The following UGT2B7 variants were observed in gnomAD, a reference collection of about 807,000 sequenced individuals.
The protein encoded by UGT2B7 is UDP glucuronosyltransferase family 2 member B7, also known as UDP-glucuronosyltransferase 2B7.
UGT2B7 carries 51 observed loss-of-function variants against 51.9 expected under a neutral mutation model. The observed-to-expected ratio is 0.98, with a 90% confidence interval of 0.78 to 1.24. The LOEUF is 1.24. UGT2B7 is among the 50% of genes most tolerant of loss of function. The probability of loss-of-function intolerance (pLI) is 0.00; values close to 1 mark genes in which losing one functional copy is unlikely to be tolerated. For synonymous variants in UGT2B7, 225 were observed against 211.6 expected, an observed-to-expected ratio of 1.06 and a Z score of -0.55; for missense variants, 727 against 628.4, an observed-to-expected ratio of 1.16 and a Z score of -1.68.
intron 1 of UGT2B7, among the ~76,000 whole-genome samples, chr4:69,065,407 C>A (rs1459392662): frequency 6.6e-6 from 1 of 152,062 alleles, no homozygotes; most frequent in African/African-American, 2.4e-5. Context: ...TTAGAGTGTA[C>A]CATCAAAGAG....
chr4:69,097,314 C>T (rs1396593569), intron 1 of UGT2B7, 73 bp downstream of exon 1: 31 of 1,520,628 alleles, frequency 2.0e-5, no homozygotes, highest in Non-Finnish European at 2.2e-5. Flanking sequence ...TTATATAAAG[C>T]CATAAAGTCA....
intron 1 of UGT2B7, chr4:69,069,837 G>C (rs1201645893): frequency 6.6e-6 from 1 of 152,104 alleles, no homozygotes; most frequent in Non-Finnish European, 1.5e-5. Flanking sequence ...GTCATAATAT[G>C]TTGCTTGATT....
chr4:69,051,607 G>A (rs1003698711), intron 1 of UGT2B7: 3 of 152,402 alleles, frequency 2.0e-5, no homozygotes, highest in Non-Finnish European at 4.4e-5. Flanking sequence ...AATTTGGTAA[G>A]ACTAGTCTTT....
intron 1 of UGT2B7, chr4:69,069,549 G>A (rs1045226974): frequency 6.6e-6 from 1 of 151,320 alleles, no homozygotes. Flanking sequence ...ACTTTTATGT[G>A]GCACTCATTT....
At chr4:69,110,498 A>G (rs1427180127) in intron 5 of UGT2B7, among the ~76,000 whole-genome samples, 1 of 152,090 alleles carries the variant, frequency 6.6e-6, no homozygotes, top group Non-Finnish European at 1.5e-5. Flanking sequence ...AATTATCAAT[A>G]TTGTCCAAAA....
chr4:69,064,114 A>AAAGAAAGAAAGAAAGAAAGAAAG lies in UGT2B7; in HGVS notation c.-159+12513_-159+12514insAGAAAGAAAGAAAGAAAGAAAGA, dbSNP rs1560499815. 3.7e-4 allele frequency among the ~76,000 whole-genome samples: 46 copies of AAAGAAAGAAAGAAAGAAAGAAAG among 123,118 alleles called. 2 individuals are homozygous for AAAGAAAGAAAGAAAGAAAGAAAG. The highest frequency in any genetic ancestry group is 1.5e-3 in the African/African-American group (45 of 29,492). 80.8% of individuals were successfully genotyped at this position (123,118 alleles called of 152,430 possible). A position where few individuals can be genotyped will look rare whatever the true frequency, so the allele number is the denominator to read the frequency against. ...AAAGAAAGAGAAAGAAAGAAAGAAA[A>AAAGAAAGAAAGAAAGAAAGAAAG]AGAAAGAAAGAAAGAAAGAAAGAAA... On this transcript the variant is annotated intron_variant, in intron 1 of 5. Coordinates refer to the UGT2B7 transcript ENST00000502942.
At chr4:69,053,583 A>G (rs994934243) in intron 1 of UGT2B7, among the ~76,000 whole-genome samples, 3 of 152,136 alleles carry the variant, frequency 2.0e-5, no homozygotes, top group Non-Finnish European at 2.9e-5. Flanking sequence ...GCCTGGAGTA[A>G]TAAGTCATGC....
intron 1 of UGT2B7, among the ~76,000 whole-genome samples, chr4:69,084,652 G>A (rs900497973): frequency 6.6e-6 from 1 of 151,942 alleles, no homozygotes; most frequent in African/African-American, 2.4e-5. Context: ...AGTGTGTGAT[G>A]TATCCCTCCA....
At chr4:69,089,536 T>C (rs537869168) in exon 2 of UGT2B7, 2 of 152,448 alleles carry the variant, frequency 1.3e-5, no homozygotes, top group Admixed American at 6.5e-5. Flanking sequence ...CTGGGGCCAG[T>C]TGTGCAAAAC....
intron 5 of UGT2B7, among the ~76,000 whole-genome samples, chr4:69,110,575 A>G (rs1347345513): frequency 1.3e-5 from 2 of 152,174 alleles, no homozygotes; most frequent in African/African-American, 4.8e-5. Context: ...ATCAATCAAC[A>G]GAATACTACA....
chr4:69,095,215 A>G (rs4455491), upstream of UGT2B7, among the ~76,000 whole-genome samples: 87,203 of 151,532 alleles, frequency 0.58, 26,058 homozygotes, highest in African/African-American at 0.71. Context: ...AGATAAGAAG[A>G]GAACCCTAAA....
chr4:69,104,365 C>T (rs923398938), intron 3 of UGT2B7, among the ~76,000 whole-genome samples: 2 of 151,978 alleles, frequency 1.3e-5, no homozygotes, highest in African/African-American at 4.8e-5. Flanking sequence ...GAAGATATTG[C>T]TAATGTATTT....
chr4:69,096,629 A>G lies in UGT2B7; in HGVS notation c.109A>G (p.Met37Val). 6.2e-7 allele frequency: 1 copy of G among 1,614,036 alleles called. No homozygotes were observed. The highest frequency in any genetic ancestry group is 8.5e-7 in the Non-Finnish European group (1 of 1,179,926). ...GTGGGCAGCAGAATACAGCCATTGG[A>G]TGAATATAAAGACAATCCTGGATGA... The part of the protein sequence containing the change: ...LVWAAEYSHW[M>V]NIKTILDELI... The change falls in exon 1 of 6, where the codon ATG (methionine) becomes GTG (valine). Residue 37 changes from methionine to valine, a missense_variant. Coordinates refer to ENST00000305231, the MANE Select transcript of UGT2B7 (RefSeq NM_001074.4).
At chr4:69,063,409 G>A (rs1286852923) in intron 1 of UGT2B7, among the ~76,000 whole-genome samples, 1 of 151,928 alleles carries the variant, frequency 6.6e-6, no homozygotes, top group Non-Finnish European at 1.5e-5. Context: ...TAGGTCAGGG[G>A]GTACTGTACC....
chr4:69,084,330 T>TTTTCTCTCTCTCTCTCTC (rs146594701), intron 1 of UGT2B7, among the ~76,000 whole-genome samples: 3 of 148,124 alleles, frequency 2.0e-5, no homozygotes, highest in Admixed American at 6.8e-5. Flanking sequence ...TCTATAAATT[T>TTTTCTCTCTCTCTCTCTC]TCTCTCTCTC....
At chr4:69,108,520 T>C (rs2109894309) in intron 5 of UGT2B7, among the ~76,000 whole-genome samples, 198 bp downstream of exon 5, 1 of 152,198 alleles carries the variant, frequency 6.6e-6, no homozygotes, top group Non-Finnish European at 1.5e-5. Context: ...GAATAGCCAG[T>C]TAGTGAAACA....
intron 1 of UGT2B7, among the ~76,000 whole-genome samples, chr4:69,077,955 C>G (rs1025420852): frequency 6.6e-6 from 1 of 152,126 alleles, no homozygotes; most frequent in Admixed American, 6.6e-5. Context: ...TATGTTCCAT[C>G]AATACCTAGC....
Position 69,096,754 on chromosome 4 carries a change from C to T in UGT2B7, c.234C>T (p.Pro78=), listed in dbSNP as rs567705679. 1 of 1,613,914 alleles carries T rather than the reference C, an allele frequency of 6.2e-7. No individual in the cohort carries two copies. The highest frequency in any genetic ancestry group is 1.1e-5 in the South Asian group (1 of 91,078). ...CCGCTCTTAAAATTGAAATTTATCC[C>T]ACATCTTTAACTAAAACTGAGTTGG... is the stretch of plus-strand genomic sequence containing the variant. ...NSSALKIEIY[P]TSLTKTELEN... is the part of the protein sequence containing the mutation. The change falls in exon 1 of 6, where the codon CCC becomes CCT. Residue 78 remains proline, a synonymous_variant. Coordinates refer to ENST00000305231, the MANE Select transcript of UGT2B7 (RefSeq NM_001074.4).
At chr4:69,081,536 C>G (rs980921484) in intron 1 of UGT2B7, among the ~76,000 whole-genome samples, 1 of 152,160 alleles carries the variant, frequency 6.6e-6, no homozygotes, top group Non-Finnish European at 1.5e-5. Flanking sequence ...CAAAGCTACA[C>G]AAGACCTCCA....
Sources: allele counts gnomAD v4.1 joint callset (sites outside exome capture counted in the v4.1 genomes callset), GRCh38; gene constraint gnomAD v4.1.1; transcripts MANE v1.5; gene names NCBI Gene and HGNC (gene_info 2026-07-23, HGNC 2026-07-21).